SEMA5B: variants seen among roughly 807,000 people sequenced by gnomAD.
SEMA5B encodes the protein semaphorin 5B, also known as semaphorin-5B.
In SEMA5B, 66 loss-of-function variants were observed where a neutral mutation model predicts 135.0. The observed-to-expected ratio is 0.49, with a 90% CI of 0.40 to 0.60. The LOEUF is 0.60. Ranked by LOEUF, SEMA5B falls within the 20% of genes least tolerant of loss-of-function variation. SEMA5B has a pLI of 0.00. For synonymous variants in SEMA5B, 690 were observed against 639.5 expected (o/e 1.08, Z -1.19); for missense variants, 1,501 against 1,566.3 (o/e 0.96, Z 0.70).
chr3:122,911,362 T>C (rs755229691), intron 21 of SEMA5B, 129 bp downstream of exon 21: 3 of 1,547,720 alleles, frequency 1.9e-6, no homozygotes, highest in Admixed American at 2.0e-5. Context: ...CTACACACCA[T>C]CTCAAAGCAG....
chr3:123,001,122 G>T lies in SEMA5B; in HGVS notation c.-39+26342C>A, dbSNP rs150366381. Reference sequence around the variant, plus strand: ...GATGTGGCAAGGGATAGGGGGTGATGCTGGAGAAGATGGAAAGGCTGTGGG... The same window carrying T: ...GATGTGGCAAGGGATAGGGGGTGATTCTGGAGAAGATGGAAAGGCTGTGGG... On this transcript the variant is annotated intron_variant, in intron 1 of 22. Transcript: ENST00000357599. 6.5e-3 allele frequency among the ~76,000 whole-genome samples: 984 copies of T among 152,278 alleles called. 11 individuals are homozygous for T. The highest frequency in any genetic ancestry group is 0.022 in the African/African-American group (930 of 41,532).
At chr3:122,971,031 G>T (rs1308398540) in intron 1 of SEMA5B, among the ~76,000 whole-genome samples, 4 of 152,194 alleles carry the variant, frequency 2.6e-5, no homozygotes, top group Non-Finnish European at 5.9e-5. Flanking sequence ...CAAAGGGAAT[G>T]ATCAATAAAG....
intron 5 of SEMA5B, among the ~76,000 whole-genome samples, chr3:122,930,156 C>T (rs759719868): frequency 6.6e-6 from 1 of 152,224 alleles, no homozygotes; most frequent in Non-Finnish European, 1.5e-5. Context: ...TGCAGAGCCC[C>T]AGAGGCCGCA....
chr3:123,006,832 C>T (rs1197058262), intron 1 of SEMA5B, among the ~76,000 whole-genome samples: 2 of 152,144 alleles, frequency 1.3e-5, no homozygotes, highest in Non-Finnish European at 2.9e-5. Flanking sequence ...ACCACCACCA[C>T]CCCCATTCTC....
chr3:122,961,037 T>C (rs1940551518), intron 2 of SEMA5B, 103 bp downstream of exon 2: 1 of 1,240,812 alleles, frequency 8.1e-7, no homozygotes, highest in Non-Finnish European at 1.1e-6. Flanking sequence ...ACTGAGGTCC[T>C]AGGAGGTATG....
rs145642438 is a variant in SEMA5B, at chr3:122,948,987, G to A, written c.125-278C>T. ...TTTAAAATTAGTTTTAATGATAAAG[G>A]TAGTATCTTAGGGATTTTAATAAAT... On this transcript the variant is annotated intron_variant, in intron 2 of 22. Coordinates refer to ENST00000357599, the MANE Select transcript of SEMA5B (RefSeq NM_001031702.4). Among the ~76,000 whole-genome samples, 230 of 152,270 alleles carry A rather than the reference G, an allele frequency of 1.5e-3. 1 individual carries two copies. The highest frequency in any genetic ancestry group is 5.3e-3 in the African/African-American group (221 of 41,542).
intron 5 of SEMA5B, among the ~76,000 whole-genome samples, chr3:122,932,627 A>G (rs1280481886): frequency 2.6e-5 from 4 of 151,988 alleles, no homozygotes; most frequent in Non-Finnish European, 5.9e-5. Context: ...CATACTGCCC[A>G]GACCCCTCCC....
At chr3:122,916,121 C>T (rs1463285104) in intron 12 of SEMA5B, among the ~76,000 whole-genome samples, 1 of 152,160 alleles carries the variant, frequency 6.6e-6, no homozygotes. Context: ...TGTTATTATT[C>T]CCATGTTATC....
chr3:123,012,154 G>A (rs972859410), intron 1 of SEMA5B, among the ~76,000 whole-genome samples: 26 of 152,192 alleles, frequency 1.7e-4, no homozygotes, highest in African/African-American at 6.3e-4. Flanking sequence ...TTTTCCTCGT[G>A]TGTAAACCGG....
chr3:123,009,913 T>C (rs1340742757), intron 1 of SEMA5B, among the ~76,000 whole-genome samples: 1 of 152,218 alleles, frequency 6.6e-6, no homozygotes, highest in African/African-American at 2.4e-5. Context: ...GCTCTGTCTC[T>C]GCCCTGGGAA....
rs1170011284 is a variant in SEMA5B, at chr3:123,027,527, G to A, written c.-102C>T. Reference sequence around the variant, plus strand: ...TCCCGACTCCCGGGCGGCGCGGAGCGGCGGGAGCTAACCAGATGGGCTGGC... The same window carrying A: ...TCCCGACTCCCGGGCGGCGCGGAGCAGCGGGAGCTAACCAGATGGGCTGGC... On this transcript the variant is annotated 5_prime_UTR_variant, in exon 1 of 23. Coordinates refer to ENST00000357599, the MANE Select transcript of SEMA5B (RefSeq NM_001031702.4). The A allele has an allele frequency of 6.6e-6, 1 of 152,228 alleles. No homozygotes were observed. The highest frequency in any genetic ancestry group is 1.5e-5 in the Non-Finnish European group (1 of 68,088). 9.4% of individuals were successfully genotyped at this position (152,228 alleles called of 1,614,324 possible). A position where few individuals can be genotyped will look rare whatever the true frequency, so the allele number is the denominator to read the frequency against.
At position 122,912,339 on chromosome 3, in the gene SEMA5B, C is replaced by G. The variant is rs766886110; in HGVS notation, c.2729G>C (p.Arg910Pro). ...TGAGGTCCAGCAGGACCAAGCACCCCGAACTGCAAGGGGACGGGGTGTGTG... is the reference window on the plus strand; with the variant it reads ...TGAGGTCCAGCAGGACCAAGCACCCGGAACTGCAAGGGGACGGGGTGTGTG... ...QDCNPQACPV[R>P]GAWSCWTSWS... The change falls in exon 19 of 23, where the codon CGG (arginine) becomes CCG (proline). Residue 910 changes from arginine to proline, a missense_variant. Arg to Pro is a moderately radical substitution (Grantham distance 103). This residue lies in a region of SEMA5B where 927 missense variants were observed against 881.6 expected (regional missense o/e 1.05). Coordinates refer to ENST00000357599, the MANE Select transcript of SEMA5B (RefSeq NM_001031702.4). The G allele has an allele frequency of 2.7e-5, 43 of 1,593,646 alleles. No homozygotes were observed. The highest frequency in any genetic ancestry group is 3.4e-5 in the Non-Finnish European group (40 of 1,170,062).
At chr3:122,958,832 C>A (rs1478593788) in intron 2 of SEMA5B, among the ~76,000 whole-genome samples, 1 of 152,162 alleles carries the variant, frequency 6.6e-6, no homozygotes, top group Non-Finnish European at 1.5e-5. Flanking sequence ...TCATCCCCTG[C>A]CTCTGCTTTC....
intron 1 of SEMA5B, among the ~76,000 whole-genome samples, chr3:123,015,853 C>T (rs1298056924): frequency 6.6e-6 from 1 of 152,138 alleles, no homozygotes; most frequent in African/African-American, 2.4e-5. Context: ...ACTCACATTC[C>T]CAGCCTGGCT....
In SEMA5B at chr3:122,913,202, C is replaced by A. The variant is rs1937849621; in HGVS notation, c.2503G>T (p.Asp835Tyr). The change falls in exon 17 of 23, where the codon GAC becomes TAC. Residue 835 changes from aspartate to tyrosine, a missense_variant. By Grantham distance (160) the Asp-to-Tyr change is radical (BLOSUM62 -3). This residue lies in a region of SEMA5B where 927 missense variants were observed against 881.6 expected (regional missense o/e 1.05). Coordinates refer to ENST00000357599, the MANE Select transcript of SEMA5B (RefSeq NM_001031702.4). Reference sequence around the variant, plus strand: ...GGGGGCGCCGGGCGCGGGGTACCGTCGGTGTCGCAGGAGCCGGAGCCGTCC... The same window carrying A: ...GGGGGCGCCGGGCGCGGGGTACCGTAGGTGTCGCAGGAGCCGGAGCCGTCC... The part of the protein sequence containing the change: ...PADGSGSCDT[D>Y]ALVEVLLRSG... The A allele has an allele frequency of 6.4e-7, 1 of 1,563,094 alleles. No homozygotes were observed. The highest frequency in any genetic ancestry group is 8.6e-7 in the Non-Finnish European group (1 of 1,164,356).
At chr3:122,975,546 G>T (rs1247481905) in intron 1 of SEMA5B, among the ~76,000 whole-genome samples, 1 of 152,168 alleles carries the variant, frequency 6.6e-6, no homozygotes, top group Non-Finnish European at 1.5e-5. Flanking sequence ...TCTCTCAACC[G>T]TAAAACCACA....
chr3:122,992,892 C>T (rs565032514), intron 1 of SEMA5B: 1 of 149,782 alleles, frequency 6.7e-6, no homozygotes, highest in Admixed American at 6.6e-5. Flanking sequence ...AAAGCCCAGG[C>T]AGCAGCTGGG....
Position 122,992,207 on chromosome 3 carries a change from C to G in SEMA5B, c.-38-30906G>C, listed in dbSNP as rs535631219. ...TGCAAAGAAAAAAAGAGTTCCCGTG[C>G]CCTTTCCTGGCAGTGCTGATAGCAA... On this transcript the variant is annotated intron_variant, in intron 1 of 22. Coordinates refer to ENST00000357599, the MANE Select transcript of SEMA5B (RefSeq NM_001031702.4). Among the ~76,000 whole-genome samples the G allele has an allele frequency of 8.5e-5, 13 of 152,310 alleles. No homozygotes were observed. In the East Asian group the frequency reaches 2.5e-3, roughly 29 times the overall value.
intron 1 of SEMA5B, among the ~76,000 whole-genome samples, chr3:122,985,807 G>A (rs557261029): frequency 8.8e-4 from 134 of 152,258 alleles, no homozygotes; most frequent in Non-Finnish European, 1.8e-3. Flanking sequence ...TGCCCCTTCC[G>A]TCTTCTACTA....
Sources: allele counts gnomAD v4.1 joint callset (sites outside exome capture counted in the v4.1 genomes callset), GRCh38; gene constraint gnomAD v4.1.1; regional missense constraint gnomAD v4.1.1; transcripts MANE v1.5; gene names NCBI Gene and HGNC (gene_info 2026-07-23, HGNC 2026-07-21).